Variants in ENO4 observed in about 807,000 individuals in gnomAD.
The protein encoded by ENO4 is 2-phospho-D-glycerate hydro-lyase.
Under a neutral mutation model 63.2 loss-of-function variants are expected in ENO4, and 53 were observed. The observed-to-expected ratio is 0.84, with a 90% CI of 0.67 to 1.05. The LOEUF (loss-of-function observed/expected upper bound fraction) is 1.05, where lower values mean the gene tolerates loss of function less well. ENO4 is among the 50% of genes least tolerant of loss of function. The pLI is 0.00. For synonymous variants in ENO4, 266 were observed against 283.8 expected (o/e 0.94, Z 0.63); for missense variants, 719 against 772.0 (o/e 0.93, Z 0.81).
At chr10:116,880,131 G>A in intron 13 of ENO4, 145 bp downstream of exon 13, 2 of 586,312 alleles carry the variant, frequency 3.4e-6, no homozygotes, top group East Asian at 5.9e-5. Context: ...GATGGCACTT[G>A]CCACAATGTA....
At chr10:116,895,164 T>C (rs756832459) in intron 10 of ENO4, among the ~76,000 whole-genome samples, 5 of 152,226 alleles carry the variant, frequency 3.3e-5, no homozygotes, top group African/African-American at 7.2e-5. Context: ...CTTTGTATTA[T>C]CATATTATCA....
chr10:116,863,556 TTCTAGGATCCAA>T (rs1246996441), intron 7 of ENO4, among the ~76,000 whole-genome samples: 1 of 152,220 alleles, frequency 6.6e-6, no homozygotes, highest in Non-Finnish European at 1.5e-5. Flanking sequence ...CCTTTTTCTG[TTCTAGGATCCAA>T]TCCAGGATCC....
chr10:116,865,917 G>A (rs1028274710), intron 7 of ENO4, among the ~76,000 whole-genome samples: 6 of 152,048 alleles, frequency 3.9e-5, no homozygotes, highest in South Asian at 2.1e-4. Flanking sequence ...AGTTTACTAC[G>A]TACCATCCTG....
intron 11 of ENO4, among the ~76,000 whole-genome samples, chr10:116,878,392 G>A (rs1846895592): frequency 6.6e-6 from 1 of 152,210 alleles, no homozygotes; most frequent in South Asian, 2.1e-4. Context: ...CGTTGCTGCA[G>A]GAAGAGCTCT....
At chr10:116,874,242 T>A in intron 10 of ENO4, 41 bp downstream of exon 10, 1 of 1,457,370 alleles carries the variant, frequency 6.9e-7, no homozygotes, top group South Asian at 1.4e-5. Flanking sequence ...ATATTTTATA[T>A]GCCATAAGAT....
At chr10:116,878,638 A>T (rs1360621380) in intron 11 of ENO4, among the ~76,000 whole-genome samples, 1 of 152,028 alleles carries the variant, frequency 6.6e-6, no homozygotes, top group Non-Finnish European at 1.5e-5. Flanking sequence ...AAATTGAATC[A>T]TGTCTTATAG....
intron 10 of ENO4, among the ~76,000 whole-genome samples, chr10:116,895,080 T>C (rs1847469800): frequency 6.6e-6 from 1 of 152,190 alleles, no homozygotes; most frequent in Admixed American, 6.5e-5. Context: ...TAGAATAAAG[T>C]GGATACAATA....
chr10:116,883,149 A>G (rs1847069349), downstream of ENO4: 1 of 152,196 alleles, frequency 6.6e-6, no homozygotes, highest in African/African-American at 2.4e-5. Flanking sequence ...TGTGACTTCA[A>G]CACAGAGCAG....
At chr10:116,872,012 C>T (rs922071373) in intron 9 of ENO4, among the ~76,000 whole-genome samples, 1 of 152,168 alleles carries the variant, frequency 6.6e-6, no homozygotes, top group Non-Finnish European at 1.5e-5. Context: ...GCCTGGCCAA[C>T]ATGGTGAAAC....
intron 1 of ENO4, 136 bp downstream of exon 1, chr10:116,849,867 G>A: frequency 1.9e-6 from 2 of 1,031,274 alleles, no homozygotes. Flanking sequence ...TGCGTGTGCG[G>A]AGGAGACTTC....
At chr10:116,861,236 A>AAT (rs57040708) in intron 6 of ENO4, 46 bp downstream of exon 6, 26,918 of 164,800 alleles carry the variant, frequency 0.16, 1,794 homozygotes, top group East Asian at 0.22. Flanking sequence ...AAAAAAAAAA[A>AAT]ATATATATAT....
rs1025516276 is a variant in ENO4, at chr10:116,870,148, G to A, written c.1048-977G>A. On this transcript the variant is annotated intron_variant, in intron 8 of 13. Coordinates refer to ENST00000341276, the MANE Select transcript of ENO4 (RefSeq NM_001242699.2). ...CAGTCAAAACAGAATATTCATTCCCGGGTTCATGTTTGTCATTGAGTTTGG... is the reference window on the plus strand; with the variant it reads ...CAGTCAAAACAGAATATTCATTCCCAGGTTCATGTTTGTCATTGAGTTTGG... Among the ~76,000 whole-genome samples, 21 of 152,040 alleles carry A rather than the reference G, an allele frequency of 1.4e-4. 3 individuals are homozygous for A. Among genetic ancestry groups the A allele is most frequent in the Admixed American group, 1.3e-3 (20 of 15,250 alleles).
chr10:116,873,975 C>A, intron 9 of ENO4, 101 bp from the exon 10 acceptor site: 1 of 1,383,394 alleles, frequency 7.2e-7, no homozygotes. Flanking sequence ...TGTTTACAAC[C>A]TCTTATATAA....
rs987855582 is a variant in ENO4 at position 116,882,426 on chromosome 10, A to G, written c.*757A>G. On this transcript the variant is annotated 3_prime_UTR_variant, in exon 14 of 14. Transcript: ENST00000341276. The stretch of plus-strand genomic sequence containing the variant: ...AAAAAAAAAAAAAAAATGATGTGAC[A>G]TATCCATTGCCTGAATTGCTCTTTT... The G allele has an allele frequency of 5.8e-4, 25 of 43,394 alleles. No homozygotes were observed. The highest frequency in any genetic ancestry group is 6.1e-4 in the Admixed American group (2 of 3,278). The allele number at this position is 43,394 out of a possible 1,614,324, so 2.7% of individuals were successfully genotyped here.
rs545152623 is a variant in ENO4, at chr10:116,895,024, G to T, written c.1194+15038G>T. Among the ~76,000 whole-genome samples, 7 of 152,222 alleles carry T rather than the reference G, an allele frequency of 4.6e-5. No homozygotes were observed. In the South Asian group the frequency reaches 1.2e-3, roughly 27 times the overall value. On this transcript the variant is annotated intron_variant, in intron 10 of 10. Coordinates refer to the ENO4 transcript ENST00000369207. ...CCAATGGATAAACACAAACTCAAAG[G>T]TGTTAACCAGTAATTGACCAAACAT...
intron 7 of ENO4, among the ~76,000 whole-genome samples, chr10:116,864,975 G>T (rs1048121634): frequency 6.6e-6 from 1 of 151,848 alleles, no homozygotes; most frequent in Non-Finnish European, 1.5e-5. Context: ...AGCCAAGATT[G>T]CACCACTGTA....
intron 10 of ENO4, among the ~76,000 whole-genome samples, chr10:116,897,963 C>T (rs1847580915): frequency 6.6e-6 from 1 of 152,136 alleles, no homozygotes; most frequent in African/African-American, 2.4e-5. Context: ...TTTTCTGACC[C>T]TGGGCAACAC....
At chr10:116,854,425 T>C (rs1393753809) in intron 1 of ENO4, among the ~76,000 whole-genome samples, 2 of 151,984 alleles carry the variant, frequency 1.3e-5, no homozygotes, top group Non-Finnish European at 2.9e-5. Flanking sequence ...CCAGCCGTTT[T>C]GGTGCACGCC....
chr10:116,860,131 C>A (rs1846370909), intron 4 of ENO4, among the ~76,000 whole-genome samples: 1 of 152,220 alleles, frequency 6.6e-6, no homozygotes, highest in South Asian at 2.1e-4. Flanking sequence ...CTTATCTCCA[C>A]TGGGGACCTG....
Sources: allele counts gnomAD v4.1 joint callset (sites outside exome capture counted in the v4.1 genomes callset), GRCh38; gene constraint gnomAD v4.1.1; transcripts MANE v1.5; gene names NCBI Gene and HGNC (gene_info 2026-07-23, HGNC 2026-07-21).